The following SPON1 variants were observed in gnomAD, a reference collection of about 807,000 sequenced individuals.
The protein encoded by SPON1 is spondin 1, also known as spondin-1.
In SPON1, 52 loss-of-function variants were observed where a neutral mutation model predicts 111.7. That is an observed-to-expected ratio of 0.47 (90% CI 0.37 to 0.59). The LOEUF (loss-of-function observed/expected upper bound fraction) is 0.59, where lower values mean the gene tolerates loss of function less well. Ranked by LOEUF, SPON1 falls within the 20% of genes least tolerant of loss-of-function variation. The pLI is 0.00. For missense variants in SPON1, 957 were observed against 1,068.5 expected (o/e 0.90, Z 1.46); for synonymous variants, 410 against 395.8 (o/e 1.04, Z -0.43).
At chr11:14,160,402 TTTATA>T (rs1847896933) in intron 6 of SPON1, among the ~76,000 whole-genome samples, 1 of 29,778 alleles carries the variant, frequency 3.4e-5, no homozygotes, top group African/African-American at 1.2e-4. Flanking sequence ...TATATATATA[TTTATA>T]TATATATATT....
intron 6 of SPON1, among the ~76,000 whole-genome samples, chr11:14,213,617 A>G (rs993969395): frequency 2.0e-5 from 3 of 152,250 alleles, no homozygotes; most frequent in African/African-American, 7.2e-5. Flanking sequence ...CTATGTACAA[A>G]GCTATATGCT....
intron 5 of SPON1, among the ~76,000 whole-genome samples, chr11:14,130,778 A>C (rs1217313607): frequency 2.0e-5 from 3 of 151,846 alleles, no homozygotes; most frequent in Admixed American, 2.0e-4. Flanking sequence ...GAGTTTTACA[A>C]CTTTTCCCAA....
intron 5 of SPON1, among the ~76,000 whole-genome samples, chr11:14,095,404 C>CTAGATAGATAGA (rs3047371): frequency 2.8e-4 from 41 of 148,318 alleles, no homozygotes; most frequent in Admixed American, 4.7e-4. Flanking sequence ...AAATGAGAGA[C>CTAGATAGATAGA]TAGATAGATA....
intron 2 of SPON1, among the ~76,000 whole-genome samples, chr11:14,024,624 A>C (rs1178207185): frequency 6.6e-6 from 1 of 151,958 alleles, no homozygotes; most frequent in Non-Finnish European, 1.5e-5. Context: ...GTGCCTGCTA[A>C]GGTCTCGGGT....
intron 6 of SPON1, among the ~76,000 whole-genome samples, chr11:14,164,421 G>A (rs914413047): frequency 6.6e-6 from 1 of 152,196 alleles, no homozygotes; most frequent in South Asian, 2.1e-4. Flanking sequence ...CCAATAAGGT[G>A]TAAGAAAAAT....
In SPON1 at chr11:14,116,419, G is replaced by A. The variant is rs1211466001; in HGVS notation, c.677-19001G>A. On this transcript the variant is annotated intron_variant, in intron 5 of 15. Transcript: ENST00000576479. ...ATCTGTAATTGAATTTGTGTATGGT[G>A]TGAGGTAGGAGTCAATAGTCTTTCT... Among the ~76,000 whole-genome samples, 2 of 152,108 alleles carry A rather than the reference G, an allele frequency of 1.3e-5. 1 individual carries two copies. The highest frequency in any genetic ancestry group is 4.1e-4 in the South Asian group (2 of 4,832).
intron 1 of SPON1, among the ~76,000 whole-genome samples, chr11:13,968,186 T>G (rs528821533): frequency 6.6e-6 from 1 of 152,358 alleles, no homozygotes; most frequent in South Asian, 2.1e-4. Flanking sequence ...GGGGGGACTC[T>G]TACCATGTTA....
At chr11:14,203,167 G>A (rs970027839) in intron 6 of SPON1, among the ~76,000 whole-genome samples, 4 of 152,132 alleles carry the variant, frequency 2.6e-5, no homozygotes, top group African/African-American at 9.7e-5. Flanking sequence ...TCTAAGCAAC[G>A]GAGCAGACCA....
chr11:14,063,876 G>T (rs561297066), intron 3 of SPON1, among the ~76,000 whole-genome samples: 9 of 152,284 alleles, frequency 5.9e-5, no homozygotes, highest in Admixed American at 3.3e-4. Context: ...TGCCTAGCTT[G>T]GTCAAAACAC....
At chr11:13,975,933 T>G (rs938797562) in intron 1 of SPON1, among the ~76,000 whole-genome samples, 3 of 152,062 alleles carry the variant, frequency 2.0e-5, no homozygotes, top group African/African-American at 7.2e-5. Context: ...CCATCACCAC[T>G]CACCACCATC....
chr11:14,095,434 AGATAGAT>A (rs1849092607), intron 5 of SPON1, among the ~76,000 whole-genome samples: 1 of 139,582 alleles, frequency 7.2e-6, no homozygotes, highest in African/African-American at 2.5e-5. Context: ...ATAGATAGAT[AGATAGAT>A]AGATAGATAA....
intron 2 of SPON1, among the ~76,000 whole-genome samples, chr11:14,021,394 G>A (rs949850317): frequency 6.6e-6 from 1 of 152,080 alleles, no homozygotes; most frequent in Non-Finnish European, 1.5e-5. Context: ...TAGACCTCAG[G>A]GACAAGGCTG....
chr11:14,074,565 G>A (rs535822973), intron 3 of SPON1, among the ~76,000 whole-genome samples: 4 of 152,320 alleles, frequency 2.6e-5, no homozygotes, highest in South Asian at 2.1e-4. Context: ...AGATCCTTTC[G>A]CATTGTCTCA....
chr11:14,027,512 C>T (rs1029520024), intron 2 of SPON1, among the ~76,000 whole-genome samples: 1 of 152,216 alleles, frequency 6.6e-6, no homozygotes, highest in Non-Finnish European at 1.5e-5. Context: ...AAACCACCAG[C>T]ACAGTGACTG....
chr11:14,112,195 A>G (rs895370393), intron 5 of SPON1, among the ~76,000 whole-genome samples: 1 of 152,138 alleles, frequency 6.6e-6, no homozygotes, highest in African/African-American at 2.4e-5. Flanking sequence ...TAGAGATTAT[A>G]TGCTTGGAAA....
intron 1 of SPON1, among the ~76,000 whole-genome samples, chr11:13,974,530 C>T (rs1490708855): frequency 6.6e-6 from 1 of 152,206 alleles, no homozygotes; most frequent in East Asian, 1.9e-4. Flanking sequence ...TTGAAAGACC[C>T]AGAAAGCTAT....
At chr11:14,227,940 AT>A (rs1213755037) in intron 6 of SPON1, among the ~76,000 whole-genome samples, 1 of 152,236 alleles carries the variant, frequency 6.6e-6, no homozygotes, top group Non-Finnish European at 1.5e-5. Context: ...TTTCATTATC[AT>A]ATTATTTAAA....
At chr11:14,244,915 A>C (rs1180464567) in intron 7 of SPON1, among the ~76,000 whole-genome samples, 1 of 152,190 alleles carries the variant, frequency 6.6e-6, no homozygotes, top group East Asian at 1.9e-4. Flanking sequence ...CACCTCATAC[A>C]GGCCACCCCG....
chr11:13,973,332 C>T lies in SPON1; in HGVS notation c.239-9515C>T, dbSNP rs538183506. Among the ~76,000 whole-genome samples, 3 of 152,318 alleles carry T rather than the reference C, an allele frequency of 2.0e-5. No individual in the cohort carries two copies. The South Asian group carries it at 6.2e-4, about 32-fold the overall frequency. ...GAACTGTGATTGGAAGCCCCAGTGA[C>T]CACAGGGTCAGAGTAGGGGCAGCAG... On this transcript the variant is annotated intron_variant, in intron 1 of 15. Transcript: ENST00000576479.
Sources: allele counts gnomAD v4.1 joint callset (sites outside exome capture counted in the v4.1 genomes callset), GRCh38; gene constraint gnomAD v4.1.1; transcripts MANE v1.5; gene names NCBI Gene and HGNC (gene_info 2026-07-23, HGNC 2026-07-21).